The following TUBGCP3 variants were observed in gnomAD, a reference collection of about 807,000 sequenced individuals.
TUBGCP3 encodes gamma-tubulin complex component 3.
In TUBGCP3, 50 loss-of-function variants were observed where a neutral mutation model predicts 123.1. The observed-to-expected ratio is 0.41, with a 90% CI of 0.32 to 0.51. TUBGCP3 has a LOEUF of 0.51. Ranked by LOEUF, TUBGCP3 falls within the 20% of genes least tolerant of loss-of-function variation. TUBGCP3 has a pLI of 0.36. For missense variants in TUBGCP3, 882 were observed against 1,127.0 expected (o/e 0.78, Z 3.11); for synonymous variants, 405 against 413.9 (o/e 0.98, Z 0.26).
intron 17 of TUBGCP3, 120 bp downstream of exon 17, chr13:112,516,320 A>C: frequency 9.0e-7 from 1 of 1,109,456 alleles, no homozygotes; most frequent in Non-Finnish European, 1.2e-6. Flanking sequence ...ATCTGAAAAA[A>C]ATATATAGCT....
intron 20 of TUBGCP3, among the ~76,000 whole-genome samples, chr13:112,491,670 A>G (rs1383844608): frequency 6.6e-6 from 1 of 152,202 alleles, no homozygotes; most frequent in Non-Finnish European, 1.5e-5. Context: ...CCTTTTGTGG[A>G]GAACGGGGTC....
chr13:112,577,888 A>T (rs1209126271), intron 1 of TUBGCP3, among the ~76,000 whole-genome samples: 1 of 152,228 alleles, frequency 6.6e-6, no homozygotes, highest in Non-Finnish European at 1.5e-5. Context: ...ATAAGAAAGC[A>T]ACTAAAATGT....
intron 2 of TUBGCP3, 52 bp downstream of exon 2, chr13:112,569,100 A>T (rs1213493530): frequency 6.4e-7 from 1 of 1,565,440 alleles, no homozygotes; most frequent in Admixed American, 1.7e-5. Context: ...CATCTGCTTA[A>T]GCTCTGACGA....
intron 21 of TUBGCP3, among the ~76,000 whole-genome samples, chr13:112,486,579 G>A (rs1879686105): frequency 6.6e-6 from 1 of 152,206 alleles, no homozygotes; most frequent in African/African-American, 2.4e-5. Context: ...CCTTGCTGGA[G>A]AACAAATTGA....
chr13:112,541,413 G>A (rs1420215925), intron 11 of TUBGCP3, among the ~76,000 whole-genome samples: 1 of 151,994 alleles, frequency 6.6e-6, no homozygotes, highest in Non-Finnish European at 1.5e-5. Flanking sequence ...GAGGTGGCAC[G>A]TGCCTGTAAT....
In TUBGCP3 at chr13:112,558,179, C is replaced by A. The variant is rs372237623; in HGVS notation, c.548+17G>T. On this transcript the variant is annotated intron_variant, in intron 5 of 21. Transcript: ENST00000261965. The stretch of plus-strand genomic sequence containing the variant: ...TTCTAACACATAGAGAATCTATACA[C>A]GTCAGTGTGGCCTTACCCTGGGAGG... The A allele has an allele frequency of 6.2e-7, 1 of 1,603,402 alleles. No homozygotes were observed. Among genetic ancestry groups the A allele is most frequent in the Admixed American group, 1.7e-5 (1 of 59,578 alleles).
intron 20 of TUBGCP3, 86 bp from the exon 21 acceptor site, chr13:112,489,783 C>T: frequency 9.2e-7 from 1 of 1,084,782 alleles, no homozygotes. Context: ...ATGTGAGGAG[C>T]AGGAGGTGTC....
At chr13:112,503,093 T>C (rs142195751) in intron 19 of TUBGCP3, among the ~76,000 whole-genome samples, 12 of 152,008 alleles carry the variant, frequency 7.9e-5, no homozygotes, top group African/African-American at 2.9e-4. Flanking sequence ...CTGAGGAGAG[T>C]GCAGGCCCAG....
chr13:112,534,272 C>G (rs1327875459), intron 11 of TUBGCP3, among the ~76,000 whole-genome samples: 1 of 152,192 alleles, frequency 6.6e-6, no homozygotes, highest in Non-Finnish European at 1.5e-5. Flanking sequence ...TGCGGCCGGG[C>G]GCGGCGGCTC....
intron 11 of TUBGCP3, among the ~76,000 whole-genome samples, chr13:112,535,574 T>A (rs1237553953): frequency 6.6e-6 from 1 of 152,230 alleles, no homozygotes; most frequent in African/African-American, 2.4e-5. Flanking sequence ...TATTGTCCAT[T>A]TTTGTATCTT....
At chr13:112,597,880 A>G in the TUBGCP3 span, among the ~76,000 whole-genome samples, 2 of 152,162 alleles carry the variant, frequency 1.3e-5, no homozygotes, top group Non-Finnish European at 2.9e-5. Context: ...AAAATGTGTC[A>G]GAGACAATAA....
intron 21 of TUBGCP3, among the ~76,000 whole-genome samples, chr13:112,488,047 GTT>G (rs1566524328): frequency 6.7e-6 from 1 of 148,912 alleles, no homozygotes; most frequent in Non-Finnish European, 1.5e-5. Flanking sequence ...CAGTAGCATC[GTT>G]TGAACCCAGG....
intron 2 of TUBGCP3, among the ~76,000 whole-genome samples, chr13:112,566,045 A>G (rs1023820832): frequency 1.3e-5 from 2 of 152,216 alleles, no homozygotes; most frequent in African/African-American, 4.8e-5. Context: ...TTCATCCACC[A>G]ATTCATTTGA....
chr13:112,534,608 G>A (rs1877886000), intron 11 of TUBGCP3, among the ~76,000 whole-genome samples: 1 of 151,764 alleles, frequency 6.6e-6, no homozygotes, highest in Non-Finnish European at 1.5e-5. Context: ...GCAAACAGAT[G>A]TGCAGCCTGA....
At chr13:112,563,258 T>C (rs1374541756) in intron 3 of TUBGCP3, among the ~76,000 whole-genome samples, 2 of 152,180 alleles carry the variant, frequency 1.3e-5, no homozygotes, top group Non-Finnish European at 2.9e-5. Flanking sequence ...CACACCCACA[T>C]ACGGGGCCCT....
chr13:112,526,805 A>C (rs1877165257), intron 13 of TUBGCP3, 137 bp downstream of exon 13: 2 of 653,358 alleles, frequency 3.1e-6, no homozygotes. Context: ...TTATCATCAC[A>C]TCACCATCAT....
chr13:112,549,340 G>T (rs564318303), intron 8 of TUBGCP3, among the ~76,000 whole-genome samples: 168 of 151,996 alleles, frequency 1.1e-3, no homozygotes, highest in South Asian at 2.5e-3. Flanking sequence ...GTTGTGGGGT[G>T]GGGGGAGCGG....
intron 1 of TUBGCP3, among the ~76,000 whole-genome samples, chr13:112,576,811 G>C (rs1193710113): frequency 6.6e-6 from 1 of 151,146 alleles, no homozygotes; most frequent in Non-Finnish European, 1.5e-5. Flanking sequence ...TAAAAAGGAA[G>C]ATAGACCTCA....
intron 11 of TUBGCP3, among the ~76,000 whole-genome samples, chr13:112,532,745 C>T (rs1877690746): frequency 6.6e-6 from 1 of 152,340 alleles, no homozygotes; most frequent in South Asian, 2.1e-4. Flanking sequence ...GCTGAAAGTG[C>T]TTTCCAACTT....
Sources: gnomAD v4.1 joint callset for allele counts (sites outside exome capture counted in the v4.1 genomes callset) on GRCh38, gnomAD v4.1.1 for gene constraint, MANE v1.5 for transcripts, NCBI Gene and HGNC (gene_info 2026-07-23, HGNC 2026-07-21) for gene names.